Variants in MCPH1 observed in about 807,000 individuals in gnomAD.
The protein encoded by MCPH1 is microcephalin.
A neutral mutation model predicts 84.5 loss-of-function variants in MCPH1; 104 were observed. That is an observed-to-expected ratio of 1.23 (90% CI 1.05 to 1.45). The LOEUF (loss-of-function observed/expected upper bound fraction) is 1.45. MCPH1 is among the 40% of genes most tolerant of loss of function. MCPH1 has a pLI of 0.00. For missense variants in MCPH1, 1,498 were observed against 1,005.7 expected (o/e 1.49, Z -6.62); for synonymous variants, 514 against 366.8 (o/e 1.40, Z -4.58).
chr8:6,439,635 G>A (rs2129555022), intron 6 of MCPH1, among the ~76,000 whole-genome samples: 1 of 152,138 alleles, frequency 6.6e-6, no homozygotes, highest in Admixed American at 6.5e-5. Flanking sequence ...AACCTCAGGT[G>A]ATACACCCGC....
intron 12 of MCPH1, among the ~76,000 whole-genome samples, chr8:6,585,662 C>A (rs945358974): frequency 6.6e-6 from 1 of 152,204 alleles, no homozygotes. Context: ...GCTGGATTCC[C>A]ATACTCAATT....
At chr8:6,448,821 C>G (rs914609785) in intron 8 of MCPH1, among the ~76,000 whole-genome samples, 1 of 152,028 alleles carries the variant, frequency 6.6e-6, no homozygotes, top group African/African-American at 2.4e-5. Context: ...TGTAACAGAT[C>G]AGATAGTAAG....
intron 7 of MCPH1, among the ~76,000 whole-genome samples, chr8:6,442,451 T>G (rs974724561): frequency 6.6e-6 from 1 of 152,342 alleles, no homozygotes; most frequent in Non-Finnish European, 1.5e-5. Context: ...CAGTTTAAAC[T>G]ACATAGAACT....
At chr8:6,463,345 T>C (rs1806491715) in intron 9 of MCPH1, among the ~76,000 whole-genome samples, 1 of 152,292 alleles carries the variant, frequency 6.6e-6, no homozygotes, top group Non-Finnish European at 1.5e-5. Context: ...ACTGAGATCT[T>C]TGTGAGCTGC....
intron 6 of MCPH1, among the ~76,000 whole-genome samples, chr8:6,439,734 G>A (rs1803230950): frequency 6.6e-6 from 1 of 152,052 alleles, no homozygotes; most frequent in South Asian, 2.1e-4. Flanking sequence ...ATTTGCTTTA[G>A]ATTAATGTAT....
At chr8:6,494,451 G>A (rs926740760) in intron 11 of MCPH1, 2 of 152,206 alleles carry the variant, frequency 1.3e-5, no homozygotes, top group African/African-American at 4.8e-5. Flanking sequence ...CACCGTAGCT[G>A]TGTAACCTTG....
At chr8:6,482,647 G>T (rs747662790) in intron 11 of MCPH1, among the ~76,000 whole-genome samples, 1 of 152,186 alleles carries the variant, frequency 6.6e-6, no homozygotes, top group Non-Finnish European at 1.5e-5. Flanking sequence ...ACGTGAGAAC[G>T]TACTGCCTTT....
At chr8:6,423,958 G>A (rs370324385) in intron 3 of MCPH1, among the ~76,000 whole-genome samples, 1 of 152,154 alleles carries the variant, frequency 6.6e-6, no homozygotes, top group East Asian at 1.9e-4. Context: ...AGAGCATAGA[G>A]ATAAGAGCCA....
At chr8:6,494,231 A>G (rs1003838344) in intron 11 of MCPH1, 1 of 152,226 alleles carries the variant, frequency 6.6e-6, no homozygotes, top group African/African-American at 2.4e-5. Context: ...GAGCCACTGC[A>G]TCCTGCCAGA....
At chr8:6,481,940 G>A (rs1463502535) in intron 11 of MCPH1, among the ~76,000 whole-genome samples, 1 of 152,180 alleles carries the variant, frequency 6.6e-6, no homozygotes, top group Non-Finnish European at 1.5e-5. Flanking sequence ...CAATTTATAA[G>A]TCTTTAAATG....
chr8:6,530,909 C>A (rs1819381412), intron 12 of MCPH1, among the ~76,000 whole-genome samples: 1 of 152,216 alleles, frequency 6.6e-6, no homozygotes, highest in Non-Finnish European at 1.5e-5. Context: ...CATGTCCTCT[C>A]CTGGCTGACG....
intron 12 of MCPH1, among the ~76,000 whole-genome samples, chr8:6,541,532 A>T (rs1477894230): frequency 1.3e-5 from 2 of 152,196 alleles, no homozygotes; most frequent in Non-Finnish European, 2.9e-5. Flanking sequence ...AGGTTGCAGC[A>T]GCAGAGCGAA....
rs1444620464 is a variant in MCPH1, at chr8:6,414,816, T to C, written c.166T>C (p.Tyr56His). Residue 56 changes from tyrosine to histidine, a missense_variant, in exon 3 of 14, where the codon TAC (tyrosine) becomes CAC (histidine). Physicochemically the swap from Tyr to His is moderately conservative, Grantham distance 83 (BLOSUM62 2). Transcript: ENST00000344683. ...QVTHVIFKDGYQSTWDKAQKR... is the reference protein window; with the variant it reads ...QVTHVIFKDGHQSTWDKAQKR... ...AACTCACGTTATCTTCAAAGATGGC[T>C]ACCAGAGCACTTGGGACAAAGCTCA... The C allele has an allele frequency of 1.2e-6, 2 of 1,613,904 alleles. No individual in the cohort carries two copies. The highest frequency in any genetic ancestry group is 1.7e-6 in the Non-Finnish European group (2 of 1,179,890).
intron 12 of MCPH1, among the ~76,000 whole-genome samples, chr8:6,574,422 C>G (rs1268132312): frequency 6.6e-6 from 1 of 152,218 alleles, no homozygotes; most frequent in Non-Finnish European, 1.5e-5. Context: ...AGGACCTCCT[C>G]TCAACTAGTT....
At chr8:6,564,640 C>T (rs1825994438) in intron 12 of MCPH1, among the ~76,000 whole-genome samples, 1 of 152,218 alleles carries the variant, frequency 6.6e-6, no homozygotes, top group Non-Finnish European at 1.5e-5. Flanking sequence ...ATAGCTGGTA[C>T]ACTGACTTAA....
At chr8:6,559,698 C>G (rs898228914) in intron 12 of MCPH1, among the ~76,000 whole-genome samples, 5 of 152,102 alleles carry the variant, frequency 3.3e-5, no homozygotes, top group African/African-American at 1.2e-4. Flanking sequence ...CTGTGGTCTC[C>G]TAGCAAAATA....
intron 12 of MCPH1, chr8:6,620,985 T>C: frequency 9.4e-6 from 2 of 212,626 alleles, no homozygotes; most frequent in South Asian, 1.5e-4. Context: ...TTTACAGCAT[T>C]TCTTACATCC....
At chr8:6,483,171 C>G (rs530179868) in intron 11 of MCPH1, among the ~76,000 whole-genome samples, 35 of 152,248 alleles carry the variant, frequency 2.3e-4, no homozygotes, top group African/African-American at 7.5e-4. Context: ...GATTTTAAAG[C>G]TCAAAGAACT....
chr8:6,553,724 C>T (rs527751149), intron 12 of MCPH1, among the ~76,000 whole-genome samples: 10 of 151,098 alleles, frequency 6.6e-5, no homozygotes, highest in South Asian at 4.2e-4. Flanking sequence ...TTGGGGCCTA[C>T]GAGGCCCCTC....
Sources: gnomAD v4.1 joint callset for allele counts (sites outside exome capture counted in the v4.1 genomes callset) on GRCh38, gnomAD v4.1.1 for gene constraint, MANE v1.5 for transcripts, NCBI Gene and HGNC (gene_info 2026-07-23, HGNC 2026-07-21) for gene names.